Variants in DNAH14 observed in about 807,000 individuals in gnomAD.
DNAH14 encodes dynein axonemal heavy chain 14.
In DNAH14, 478 loss-of-function variants were observed where a neutral mutation model predicts 520.9. That is an observed-to-expected ratio of 0.92 (90% CI 0.85 to 0.99). The LOEUF is 0.99. DNAH14 is among the 50% of genes least tolerant of loss of function. The pLI is 0.00. For missense variants in DNAH14, 4,831 were observed against 5,234.5 expected, an observed-to-expected ratio of 0.92 and a Z score of 2.38; for synonymous variants, 1,581 against 1,757.2, an observed-to-expected ratio of 0.90 and a Z score of 2.51.
chr1:225,251,002 C>T (rs1307739821), intron 43 of DNAH14, among the ~76,000 whole-genome samples: 2 of 151,962 alleles, frequency 1.3e-5, no homozygotes, highest in Non-Finnish European at 2.9e-5. Flanking sequence ...GTTGTTCAAG[C>T]CACCCAGTCT....
At chr1:224,979,049 A>T (rs1163540534) in intron 8 of DNAH14, among the ~76,000 whole-genome samples, 1 of 152,182 alleles carries the variant, frequency 6.6e-6, no homozygotes, top group African/African-American at 2.4e-5. Context: ...ACATTTATTA[A>T]AATATCACAA....
At chr1:224,985,229 A>G (rs999045987) in intron 8 of DNAH14, among the ~76,000 whole-genome samples, 1 of 152,248 alleles carries the variant, frequency 6.6e-6, no homozygotes, top group South Asian at 2.1e-4. Context: ...ATGCCCATCA[A>G]ACAATAGGCA....
chr1:225,131,346 T>C (rs2078400134), intron 27 of DNAH14, among the ~76,000 whole-genome samples: 1 of 152,212 alleles, frequency 6.6e-6, no homozygotes, highest in Non-Finnish European at 1.5e-5. Context: ...TGTTCCTTTC[T>C]AGAGGCTCTT....
In DNAH14 at chr1:225,270,677, A is replaced by G. The variant is rs2149828456; in HGVS notation, c.7540-58A>G. 1.4e-6 allele frequency: 2 copies of G among 1,474,578 alleles called. 1 individual carries two copies. The highest frequency in any genetic ancestry group is 1.8e-6 in the Non-Finnish European group (2 of 1,092,790). The allele number at this position is 1,474,578 out of a possible 1,614,324, so 91.3% of individuals were successfully genotyped here. On this transcript the variant is annotated intron_variant, in intron 49 of 85. Transcript: ENST00000682510. ...TCCAATTTGGGACAGAGACGTAGGTACATACTTCACTTCCTACAGATACAT... is the reference window on the plus strand; with the variant it reads ...TCCAATTTGGGACAGAGACGTAGGTGCATACTTCACTTCCTACAGATACAT...
chr1:225,095,435 G>A (rs1420680915), intron 21 of DNAH14, among the ~76,000 whole-genome samples: 2 of 152,108 alleles, frequency 1.3e-5, no homozygotes, highest in African/African-American at 4.8e-5. Flanking sequence ...ACTCATAAAT[G>A]GGAGCTAAAC....
In DNAH14 at chr1:225,238,809, T is replaced by C. The variant is rs559165494; in HGVS notation, c.6519-1784T>C. On this transcript the variant is annotated intron_variant, in intron 42 of 85. Transcript: ENST00000682510. ...GATCAGAGTTCTGTCCAAATAACCCTGGGGGGAGGGGCTGAAACCTCTGCA... is the reference window on the plus strand; with the variant it reads ...GATCAGAGTTCTGTCCAAATAACCCCGGGGGGAGGGGCTGAAACCTCTGCA... 6.6e-5 allele frequency among the ~76,000 whole-genome samples: 10 copies of C among 151,934 alleles called. No individual in the cohort carries two copies. In the South Asian group the frequency reaches 2.1e-3, roughly 32 times the overall value.
At chr1:225,117,479 T>C (rs529554634) in intron 23 of DNAH14, among the ~76,000 whole-genome samples, 1 of 151,960 alleles carries the variant, frequency 6.6e-6, no homozygotes, top group Non-Finnish European at 1.5e-5. Flanking sequence ...TGGTTTCATT[T>C]GTTTTAGTTT....
intron 58 of DNAH14, among the ~76,000 whole-genome samples, chr1:225,305,551 G>C (rs968109070): frequency 6.6e-6 from 1 of 152,144 alleles, no homozygotes; most frequent in Non-Finnish European, 1.5e-5. Context: ...TCAGAATACA[G>C]GAGACATTGA....
chr1:225,383,369 C>A (rs910250737), intron 81 of DNAH14, among the ~76,000 whole-genome samples: 1 of 152,176 alleles, frequency 6.6e-6, no homozygotes, highest in Non-Finnish European at 1.5e-5. Flanking sequence ...TCTTAGGGAA[C>A]CCCCACTCCA....
Position 224,968,827 on chromosome 1 carries a change from A to G in DNAH14, c.720A>G (p.Arg240=). 1 of 1,545,048 alleles carries G rather than the reference A, an allele frequency of 6.5e-7. No homozygotes were observed. The highest frequency in any genetic ancestry group is 2.5e-5 in the East Asian group (1 of 40,268). Residue 240 remains arginine, a synonymous_variant, in exon 7 of 86, where the codon AGA becomes AGG. Coordinates refer to ENST00000682510, the MANE Select transcript of DNAH14 (RefSeq NM_001367479.1). The part of the protein sequence containing the change: ...LIPTLEWLSE[R]RHYYLLRQFK... ...CTACTTTGGAATGGCTATCAGAAAG[A>G]AGACATTACTATTTATTACGGCAAT...
intron 27 of DNAH14, among the ~76,000 whole-genome samples, chr1:225,138,309 C>G (rs1022973219): frequency 6.6e-6 from 1 of 152,236 alleles, no homozygotes; most frequent in Non-Finnish European, 1.5e-5. Flanking sequence ...GCCGTTTCCC[C>G]CAAACCGCAG....
At chr1:225,390,564 A>G (rs1254470977) in intron 83 of DNAH14, among the ~76,000 whole-genome samples, 1 of 152,184 alleles carries the variant, frequency 6.6e-6, no homozygotes, top group Non-Finnish European at 1.5e-5. Flanking sequence ...ATATGAATGG[A>G]TCAGTACTTG....
chr1:225,002,467 G>C (rs529313672), intron 8 of DNAH14, among the ~76,000 whole-genome samples: 3 of 152,148 alleles, frequency 2.0e-5, no homozygotes, highest in African/African-American at 7.2e-5. Flanking sequence ...TTAATACATT[G>C]AGGACATATA....
chr1:224,968,675 C>A, intron 6 of DNAH14, 84 bp from the exon 7 acceptor site: 2 of 866,434 alleles, frequency 2.3e-6, no homozygotes, highest in Non-Finnish European at 3.4e-6. Context: ...AAGTTATCAG[C>A]CAAATACAGG....
chr1:225,227,647 A>G (rs556287589), intron 41 of DNAH14, among the ~76,000 whole-genome samples: 2 of 152,212 alleles, frequency 1.3e-5, no homozygotes, highest in South Asian at 4.2e-4. Flanking sequence ...AATCAGTTTC[A>G]TAGTCACATC....
intron 11 of DNAH14, among the ~76,000 whole-genome samples, chr1:225,029,750 A>G (rs2066396052): frequency 6.6e-6 from 1 of 152,014 alleles, no homozygotes; most frequent in South Asian, 2.1e-4. Flanking sequence ...AAAGTGTATC[A>G]TATACCCTAC....
At chr1:225,204,338 T>C (rs2087254487) in intron 39 of DNAH14, 65 bp downstream of exon 39, 1 of 910,716 alleles carries the variant, frequency 1.1e-6, no homozygotes, top group South Asian at 1.8e-5. Context: ...CAATATGAGC[T>C]ATATTTATAT....
intron 57 of DNAH14, 87 bp from the exon 58 acceptor site, chr1:225,304,821 T>C: frequency 8.5e-7 from 1 of 1,173,268 alleles, no homozygotes; most frequent in Non-Finnish European, 1.2e-6. Flanking sequence ...TAATAAGCTA[T>C]TTTAATTAAT....
At chr1:225,063,640 A>G (rs974451717) in intron 17 of DNAH14, among the ~76,000 whole-genome samples, 3 of 152,106 alleles carry the variant, frequency 2.0e-5, no homozygotes, top group South Asian at 2.1e-4. Flanking sequence ...ACAGAGACTC[A>G]GTTGCCTGTG....
Sources: allele counts gnomAD v4.1 joint callset (sites outside exome capture counted in the v4.1 genomes callset), GRCh38; gene constraint gnomAD v4.1.1; transcripts MANE v1.5; gene names NCBI Gene and HGNC (gene_info 2026-07-23, HGNC 2026-07-21).